Variants in WDR62 observed in about 807,000 individuals in gnomAD.
WDR62 encodes WD repeat-containing protein 62.
A neutral mutation model predicts 160.6 loss-of-function variants in WDR62; 112 were observed. The ratio of observed to expected loss-of-function variants is 0.70; its 90% CI spans 0.60 to 0.82. WDR62 has a LOEUF of 0.82. Ranked by LOEUF, WDR62 falls within the 40% of genes least tolerant of loss-of-function variation. WDR62 has a pLI of 0.00. For synonymous variants in WDR62, 792 were observed against 815.1 expected (o/e 0.97, Z 0.48); for missense variants, 1,819 against 1,983.8 (o/e 0.92, Z 1.58).
At chr19:36,106,434 G>T (rs922998763), downstream of WDR62, among the ~76,000 whole-genome samples, 1 of 151,952 alleles carries the variant, frequency 6.6e-6, no homozygotes, top group Non-Finnish European at 1.5e-5. Context: ...GGAACATCAG[G>T]CAACGCACCT....
At chr19:36,062,806 C>A (rs1258019171) in intron 3 of WDR62, among the ~76,000 whole-genome samples, 2 of 152,032 alleles carry the variant, frequency 1.3e-5, no homozygotes, top group African/African-American at 4.8e-5. Flanking sequence ...CCAGAGGGCA[C>A]CATTCAGGAG....
intron 9 of WDR62, chr19:36,073,848 C>T (rs1232323628): frequency 9.5e-6 from 4 of 419,184 alleles, no homozygotes; most frequent in Non-Finnish European, 1.9e-5. Context: ...GGGAAGGCCT[C>T]CCTGAGGACA....
chr19:36,088,020 T>G (rs2145757825), intron 13 of WDR62, among the ~76,000 whole-genome samples: 1 of 152,282 alleles, frequency 6.6e-6, no homozygotes, highest in Middle Eastern at 3.4e-3. Context: ...CTTGCAGGCC[T>G]TCTCTGGGTC....
At chr19:36,089,438 GTTTTTT>G in intron 15 of WDR62, 132 bp downstream of exon 15, 1 of 1,430,658 alleles carries the variant, frequency 7.0e-7, no homozygotes, top group Non-Finnish European at 9.7e-7. Flanking sequence ...TTCCTTCTTG[GTTTTTT>G]TTTGTTTTTG....
intron 23 of WDR62, 94 bp downstream of exon 23, chr19:36,100,969 C>T (rs1340514055): frequency 6.3e-7 from 1 of 1,590,304 alleles, no homozygotes; most frequent in Non-Finnish European, 8.6e-7. Context: ...TCCCAGTGGG[C>T]TTGTGGGAGT....
intron 2 of WDR62, 144 bp from the exon 3 acceptor site, chr19:36,059,824 A>G: frequency 1.2e-6 from 1 of 828,572 alleles, no homozygotes; most frequent in Non-Finnish European, 2.1e-6. Flanking sequence ...TTCTCAGCGT[A>G]AACACCTGGA....
intron 7 of WDR62, among the ~76,000 whole-genome samples, chr19:36,068,457 A>C (rs1182855273): frequency 1.3e-5 from 2 of 152,266 alleles, no homozygotes; most frequent in Admixed American, 6.5e-5. Flanking sequence ...TCAGCAGACA[A>C]ACAAGTGAAC....
rs971496992 is a variant in WDR62, at chr19:36,100,721, A to C, written c.2740-27A>C. ...TGGTGGCCCCAGCCATGCCTGCCTC[A>C]GAATGGCTGTGCTGTCTTCCCCATA... On this transcript the variant is annotated intron_variant, in intron 22 of 31. Coordinates refer to ENST00000401500, the MANE Select transcript of WDR62 (RefSeq NM_001083961.2). 5.6e-6 allele frequency: 9 copies of C among 1,613,326 alleles called. No homozygotes were observed. In the African/African-American group the frequency reaches 1.2e-4, roughly 22 times the overall value.
downstream of WDR62, among the ~76,000 whole-genome samples, chr19:36,106,680 C>T (rs1271826995): frequency 2.0e-5 from 3 of 152,254 alleles, no homozygotes; most frequent in East Asian, 1.9e-4. Flanking sequence ...GCAAGAGGAG[C>T]GAAGCCCGGA....
chr19:36,081,610 A>G, intron 10 of WDR62, 40 bp downstream of exon 10: 1 of 1,614,004 alleles, frequency 6.2e-7, no homozygotes, highest in Admixed American at 1.7e-5. Context: ...CAGGAGGAAC[A>G]AAGACCTACT....
At chr19:36,079,059 C>CT (rs1319107084) in intron 9 of WDR62, among the ~76,000 whole-genome samples, 1 of 151,378 alleles carries the variant, frequency 6.6e-6, no homozygotes, top group Admixed American at 6.6e-5. Context: ...TCTGTCTTTT[C>CT]TTTTTTTTGT....
chr19:36,099,838 A>G (rs554076669), intron 22 of WDR62, among the ~76,000 whole-genome samples: 2 of 152,358 alleles, frequency 1.3e-5, no homozygotes, highest in African/African-American at 4.8e-5. Context: ...CTTGGATGCT[A>G]GAGCAGGCTT....
chr19:36,068,298 C>G (rs1269868840), intron 7 of WDR62, among the ~76,000 whole-genome samples: 1 of 152,184 alleles, frequency 6.6e-6, no homozygotes, highest in Admixed American at 6.5e-5. Context: ...ACTATTTGAT[C>G]TACTTCACAT....
chr19:36,066,197 C>A, intron 4 of WDR62, 60 bp from the exon 5 acceptor site: 1 of 1,611,530 alleles, frequency 6.2e-7, no homozygotes, highest in Non-Finnish European at 8.5e-7. Flanking sequence ...TCGGCCTTGA[C>A]AACCCTCTAG....
At position 36,100,880 on chromosome 19, in the gene WDR62, G is replaced by A. The variant is rs1447550283; in HGVS notation, c.2867+5G>A. Reference sequence around the variant, plus strand: ...GACAGTCACAGGGACAGACAGGTGGGTGTCCTTTCCACCAAGGGAGCCTTA... The same window carrying A: ...GACAGTCACAGGGACAGACAGGTGGATGTCCTTTCCACCAAGGGAGCCTTA... On this transcript the variant is annotated splice_donor_5th_base_variant and intron_variant, in intron 23 of 31. Coordinates refer to ENST00000401500, the MANE Select transcript of WDR62 (RefSeq NM_001083961.2). 6.2e-7 allele frequency: 1 copy of A among 1,614,060 alleles called. No individual in the cohort carries two copies. The highest frequency in any genetic ancestry group is 8.5e-7 in the Non-Finnish European group (1 of 1,180,018).
At chr19:36,095,054 A>G (rs1972875471) in intron 20 of WDR62, among the ~76,000 whole-genome samples, 1 of 152,156 alleles carries the variant, frequency 6.6e-6, no homozygotes, top group Non-Finnish European at 1.5e-5. Flanking sequence ...AAACTCAATA[A>G]TCATATCAGT....
chr19:36,075,861 A>G (rs1971547125), intron 9 of WDR62: 1 of 152,142 alleles, frequency 6.6e-6, no homozygotes, highest in Non-Finnish European at 1.5e-5. Flanking sequence ...ACGTGAAGAG[A>G]TATTTGCTCT....
At chr19:36,101,951 A>G (rs1205840850) in intron 25 of WDR62, 63 bp from the exon 26 acceptor site, 7 of 1,611,034 alleles carry the variant, frequency 4.3e-6, no homozygotes, top group Non-Finnish European at 5.1e-6. Flanking sequence ...TCTCCATTTC[A>G]GGTGGCGTCT....
chr19:36,068,879 C>T (rs1216109018), intron 7 of WDR62, among the ~76,000 whole-genome samples: 3 of 150,994 alleles, frequency 2.0e-5, no homozygotes, highest in Admixed American at 6.6e-5. Flanking sequence ...GGTACACCTC[C>T]CAGACGGGGT....
Sources: gnomAD v4.1 joint callset for allele counts (sites outside exome capture counted in the v4.1 genomes callset) on GRCh38, gnomAD v4.1.1 for gene constraint, MANE v1.5 for transcripts, NCBI Gene and HGNC (gene_info 2026-07-23, HGNC 2026-07-21) for gene names.